Variants in CDH8 observed in about 807,000 individuals in gnomAD.
The protein encoded by CDH8 is cadherin 8.
Under a neutral mutation model 68.1 loss-of-function variants are expected in CDH8, and 17 were observed. The observed-to-expected ratio is 0.25, with a 90% CI of 0.17 to 0.37. The LOEUF is 0.37. Among genes scored for constraint, CDH8 ranks in the 10% least tolerant of loss-of-function variants. The pLI, the probability that CDH8 is intolerant of heterozygous loss-of-function variation, is 1.00. For missense variants in CDH8, 763 were observed against 999.3 expected, an observed-to-expected ratio of 0.76 and a Z score of 3.19; for synonymous variants, 372 against 365.1, an observed-to-expected ratio of 1.02 and a Z score of -0.21.
chr16:61,942,537 A>T (rs1338881207), intron 2 of CDH8, among the ~76,000 whole-genome samples: 2 of 152,080 alleles, frequency 1.3e-5, no homozygotes, highest in African/African-American at 4.8e-5. Context: ...AGAGGAGAGG[A>T]GAGGAAACGG....
intron 2 of CDH8, among the ~76,000 whole-genome samples, chr16:61,935,371 T>C (rs767413119): frequency 4.6e-5 from 7 of 152,162 alleles, no homozygotes; most frequent in Non-Finnish European, 1.0e-4. Context: ...AAATACAACT[T>C]TATGTAGGCA....
At chr16:61,779,387 C>A (rs1201107105) in intron 8 of CDH8, among the ~76,000 whole-genome samples, 1 of 148,518 alleles carries the variant, frequency 6.7e-6, no homozygotes, top group Non-Finnish European at 1.5e-5. Flanking sequence ...TCTTTCTTTG[C>A]CTCCCTTTGC....
At chr16:61,998,910 G>T (rs965701635) in intron 2 of CDH8, among the ~76,000 whole-genome samples, 17 of 152,100 alleles carry the variant, frequency 1.1e-4, no homozygotes, top group African/African-American at 4.1e-4. Flanking sequence ...GGGAAAAAAA[G>T]GACTCAGATC....
chr16:61,670,167 A>G (rs1017574122), intron 10 of CDH8, among the ~76,000 whole-genome samples: 1 of 151,930 alleles, frequency 6.6e-6, no homozygotes, highest in African/African-American at 2.4e-5. Context: ...CAATAAACTC[A>G]CTTCTTCCTT....
chr16:61,774,595 CTGTT>C lies in CDH8; in HGVS notation c.1414+14747_1414+14750del, dbSNP rs567107056. Among the ~76,000 whole-genome samples, 844 of 152,050 alleles carry C rather than the reference CTGTT, an allele frequency of 5.6e-3. 5 individuals are homozygous for C. The highest frequency in any genetic ancestry group is 0.02 in the African/African-American group (812 of 41,512). ...CTCCCTGCCAATCAATTAATAGTGT[CTGTT>C]TGGAGTTAGAAATCATCAGGGTACT... On this transcript the variant is annotated intron_variant, in intron 8 of 11. Coordinates refer to ENST00000577390, the MANE Select transcript of CDH8 (RefSeq NM_001796.5).
intron 8 of CDH8, among the ~76,000 whole-genome samples, chr16:61,759,104 G>A (rs1297316017): frequency 6.6e-6 from 1 of 152,146 alleles, no homozygotes; most frequent in East Asian, 1.9e-4. Context: ...GGTGTCCAAA[G>A]TCAAGAAGAG....
At chr16:62,031,017 T>A (rs1025828788) in intron 1 of CDH8, among the ~76,000 whole-genome samples, 1 of 152,124 alleles carries the variant, frequency 6.6e-6, no homozygotes, top group Non-Finnish European at 1.5e-5. Flanking sequence ...AGTAAATTAA[T>A]CCTTAATTAT....
intron 10 of CDH8, among the ~76,000 whole-genome samples, chr16:61,668,610 TATTTGG>T (rs1963726848): frequency 6.6e-6 from 1 of 151,730 alleles, no homozygotes; most frequent in Non-Finnish European, 1.5e-5. Flanking sequence ...ATATTTTATC[TATTTGG>T]ATTTATGAAG....
chr16:61,653,727 A>T lies in CDH8; in HGVS notation c.2281T>A (p.Ser761Thr). Residue 761 changes from serine (S) to threonine (T), a missense_variant, in exon 12 of 12, where the codon TCC becomes ACC. Transcript: ENST00000577390. ...GAGTCTGATGTGGTGGACTCCAAGG[A>T]GCTGAGGGAGCCAGCCACTGACCCT... ...GRGSVAGSLS[S>T]LESTTSDSDQ... The T allele has an allele frequency of 6.2e-7, 1 of 1,614,154 alleles. No individual in the cohort carries two copies. The highest frequency in any genetic ancestry group is 8.5e-7 in the Non-Finnish European group (1 of 1,180,028).
Position 61,831,801 on chromosome 16 carries a change from A to G in CDH8, c.668-6622T>C, listed in dbSNP as rs538264640. On this transcript the variant is annotated intron_variant, in intron 4 of 11. Coordinates refer to ENST00000577390, the MANE Select transcript of CDH8 (RefSeq NM_001796.5). The stretch of plus-strand genomic sequence containing the variant: ...ACGGGTCTCCCAGATTGTGCTGTTC[A>G]AAGATTGCAGTTGATATAAAATGCT... Among the ~76,000 whole-genome samples the G allele has an allele frequency of 1.9e-3, 286 of 151,924 alleles. 3 individuals are homozygous for G. The highest frequency in any genetic ancestry group is 6.7e-3 in the African/African-American group (280 of 41,522).
chr16:61,938,667 GA>G (rs2143523646), intron 2 of CDH8, among the ~76,000 whole-genome samples: 1 of 152,276 alleles, frequency 6.6e-6, no homozygotes, highest in East Asian at 1.9e-4. Context: ...TCATAGCTGA[GA>G]AAAATCCCTC....
chr16:61,850,384 G>A (rs1962912729), intron 4 of CDH8, among the ~76,000 whole-genome samples: 2 of 151,902 alleles, frequency 1.3e-5, no homozygotes, highest in South Asian at 4.1e-4. Flanking sequence ...CCTCTCACTA[G>A]GCCTCACTTC....
chr16:61,685,396 T>A (rs926199604), intron 10 of CDH8, among the ~76,000 whole-genome samples: 1 of 151,694 alleles, frequency 6.6e-6, no homozygotes, highest in African/African-American at 2.4e-5. Flanking sequence ...TATGAATGAA[T>A]CAACCATTCA....
At chr16:61,895,490 G>A (rs767862441) in intron 3 of CDH8, among the ~76,000 whole-genome samples, 7 of 152,076 alleles carry the variant, frequency 4.6e-5, no homozygotes, top group Non-Finnish European at 1.0e-4. Context: ...CTGGCATATA[G>A]TAAATTCTCA....
At chr16:62,001,143 C>T (rs942923756) in intron 2 of CDH8, among the ~76,000 whole-genome samples, 1 of 152,042 alleles carries the variant, frequency 6.6e-6, no homozygotes, top group Non-Finnish European at 1.5e-5. Context: ...AATTCAGAAA[C>T]GTGATTCTGA....
At chr16:61,941,815 CA>C (rs967012410) in intron 2 of CDH8, among the ~76,000 whole-genome samples, 1 of 152,160 alleles carries the variant, frequency 6.6e-6, no homozygotes, top group Non-Finnish European at 1.5e-5. Context: ...CCTCTGTTGA[CA>C]CCCTTTTCTT....
intron 4 of CDH8, among the ~76,000 whole-genome samples, chr16:61,847,051 A>G (rs1322036522): frequency 1.3e-5 from 2 of 152,130 alleles, no homozygotes; most frequent in African/African-American, 2.4e-5. Flanking sequence ...AGTTTTTAGA[A>G]AGCATCCATT....
At chr16:61,963,343 T>C (rs1965191357) in intron 2 of CDH8, among the ~76,000 whole-genome samples, 1 of 152,216 alleles carries the variant, frequency 6.6e-6, no homozygotes, top group Non-Finnish European at 1.5e-5. Context: ...ACCCATTCCA[T>C]CTACAACATT....
At chr16:61,970,313 A>C (rs1050504329) in intron 2 of CDH8, among the ~76,000 whole-genome samples, 4 of 152,216 alleles carry the variant, frequency 2.6e-5, no homozygotes, top group Admixed American at 6.5e-5. Context: ...AGTGATATCC[A>C]AACTCAAGGG....
Sources: allele counts gnomAD v4.1 joint callset (sites outside exome capture counted in the v4.1 genomes callset), GRCh38; gene constraint gnomAD v4.1.1; transcripts MANE v1.5; gene names NCBI Gene and HGNC (gene_info 2026-07-23, HGNC 2026-07-21).